Variants in UPP1 observed in about 807,000 individuals in gnomAD.
UPP1 encodes UPase 1.
UPP1 carries 25 observed loss-of-function variants against 29.6 expected under a neutral mutation model. The ratio of observed to expected loss-of-function variants is 0.85; its 90% CI spans 0.62 to 1.18. UPP1 has a LOEUF of 1.18. Among genes scored for constraint, UPP1 ranks in the 50% most tolerant of loss-of-function variants. The probability of loss-of-function intolerance (pLI) is 0.00; values close to 1 mark genes in which losing one functional copy is unlikely to be tolerated. For missense variants in UPP1, 368 were observed against 410.4 expected (o/e 0.90, Z 0.89); for synonymous variants, 165 against 159.8 (o/e 1.03, Z -0.25).
At chr7:48,090,667 G>A (rs918277355) in intron 2 of UPP1, among the ~76,000 whole-genome samples, 5 of 152,188 alleles carry the variant, frequency 3.3e-5, no homozygotes, top group Admixed American at 1.3e-4. Context: ...ATTTCTACAA[G>A]CGCTGCTGAG....
At chr7:48,089,681 C>A (rs1226311703) in intron 1 of UPP1, 6 of 152,238 alleles carry the variant, frequency 3.9e-5, no homozygotes, top group African/African-American at 1.4e-4. Flanking sequence ...TTCCTCGGGT[C>A]CACCCCGTGC....
intron 5 of UPP1, 99 bp from the exon 6 acceptor site, chr7:48,103,198 A>G (rs1792527046): frequency 1.2e-6 from 1 of 840,540 alleles, no homozygotes; most frequent in Middle Eastern, 2.2e-4. Flanking sequence ...CACTATGTCA[A>G]TGGGCATGTT....
chr7:48,095,580 C>T (rs968631207), intron 3 of UPP1, among the ~76,000 whole-genome samples: 3 of 152,202 alleles, frequency 2.0e-5, no homozygotes, highest in African/African-American at 7.2e-5. Flanking sequence ...CTCTTCTCCT[C>T]CTCCATTCCC....
At chr7:48,088,999 G>A (rs7459020), upstream of UPP1, 93,956 of 152,130 alleles carry the variant, frequency 0.62, 29,420 homozygotes, top group African/African-American at 0.72. Context: ...CAATTGCCCA[G>A]CTGCTCTGCA....
chr7:48,093,957 C>G (rs530527840), intron 2 of UPP1, among the ~76,000 whole-genome samples: 6 of 152,142 alleles, frequency 3.9e-5, no homozygotes, highest in African/African-American at 1.2e-4. Context: ...GTCAGCAGTT[C>G]GAGAACAGCC....
chr7:48,093,035 T>C (rs1791929373), intron 2 of UPP1, among the ~76,000 whole-genome samples: 1 of 152,004 alleles, frequency 6.6e-6, no homozygotes, highest in African/African-American at 2.4e-5. Flanking sequence ...GAATAAAGTG[T>C]TGAATTAAAA....
At chr7:48,094,870 G>A (rs977696146) in intron 3 of UPP1, 43 bp downstream of exon 3, 17 of 1,602,208 alleles carry the variant, frequency 1.1e-5, no homozygotes, top group African/African-American at 9.4e-5. Context: ...GTGGGGTTGG[G>A]TTGTTTATAG....
At chr7:48,104,208 C>T in intron 6 of UPP1, among the ~76,000 whole-genome samples, 1 of 152,110 alleles carries the variant, frequency 6.6e-6, no homozygotes. Flanking sequence ...CAGAGCGAGA[C>T]TCCATCTCAA....
chr7:48,103,808 GAC>G (rs1468504585), intron 6 of UPP1: 2 of 1,290,420 alleles, frequency 1.5e-6, no homozygotes, highest in African/African-American at 3.0e-5. Flanking sequence ...TAGGAGAAAA[GAC>G]ACAGGAAAAT....
chr7:48,092,073 G>A (rs1791869485), intron 2 of UPP1, among the ~76,000 whole-genome samples: 1 of 152,102 alleles, frequency 6.6e-6, no homozygotes, highest in Non-Finnish European at 1.5e-5. Flanking sequence ...GCTGGCCCAA[G>A]GGAGCTCACC....
Position 48,094,759 on chromosome 7 carries a change from T to C in UPP1, c.-21-4T>C, listed in dbSNP as rs763613788. 1.2e-6 allele frequency: 2 copies of C among 1,614,148 alleles called. No individual in the cohort carries two copies. Among genetic ancestry groups the C allele is most frequent in the Non-Finnish European group, 1.7e-6 (2 of 1,180,006 alleles). ...CACTCCATTCTGTGATTTTTTTTCC[T>C]TAGGGTCCTGCCTCAGTTGGCGGAA... On this transcript the variant is annotated splice_region_variant and splice_polypyrimidine_tract_variant and intron_variant, in intron 2 of 8. Transcript: ENST00000395564.
At position 48,104,068 on chromosome 7, in the gene UPP1, A is replaced by T. The variant is rs563576155; in HGVS notation, c.436+657A>T. ...CCCCGTCTCTACTAAAATACAAAAG[A>T]TTAGCTGGGCGTGGTGGTGCACGTC... On this transcript the variant is annotated intron_variant, in intron 6 of 8. Coordinates refer to ENST00000395564, the MANE Select transcript of UPP1 (RefSeq NM_003364.4). 1,377 of 411,368 alleles carry T rather than the reference A, an allele frequency of 3.3e-3. 17 individuals carry two copies. The highest frequency in any genetic ancestry group is 0.027 in the African/African-American group (1,283 of 47,918). 25.5% of individuals were successfully genotyped at this position (411,368 alleles called of 1,614,324 possible).
intron 2 of UPP1, among the ~76,000 whole-genome samples, chr7:48,091,936 C>G (rs1009333648): frequency 6.6e-6 from 1 of 152,204 alleles, no homozygotes; most frequent in African/African-American, 2.4e-5. Context: ...CATCCTTACT[C>G]TACAAGGCCA....
intron 4 of UPP1, 26 bp from the exon 5 acceptor site, chr7:48,101,798 T>C (rs1792436517): frequency 1.2e-6 from 2 of 1,610,596 alleles, no homozygotes; most frequent in African/African-American, 1.3e-5. Context: ...AGTGCACTAA[T>C]GGGGGTCTCT....
chr7:48,101,795 T>C, intron 4 of UPP1, 29 bp from the exon 5 acceptor site: 1 of 1,609,706 alleles, frequency 6.2e-7, no homozygotes, highest in African/African-American at 1.3e-5. Context: ...GACAGTGCAC[T>C]AATGGGGGTC....
chr7:48,101,832 T>G lies in UPP1; in HGVS notation c.171T>G (p.Cys57Trp). 6.2e-7 allele frequency: 1 copy of G among 1,613,908 alleles called. No individual in the cohort carries two copies. Among genetic ancestry groups the G allele is most frequent in the African/African-American group, 1.3e-5 (1 of 75,006 alleles). Reference protein sequence around the residue: ...PALFGDVKFVCVGGSPSRMKA... With the variant: ...PALFGDVKFVWVGGSPSRMKA... The stretch of plus-strand genomic sequence containing the variant: ...CTCTTCTCTGGCTGCAGTTTGTGTG[T>G]GTTGGTGGAAGCCCCTCCCGGATGA... Residue 57 changes from cysteine to tryptophan, a missense_variant, in exon 5 of 9, where the codon TGT (cysteine) becomes TGG (tryptophan). By Grantham distance (215) the Cys-to-Trp change is radical (BLOSUM62 -2). Transcript: ENST00000395564.
intron 3 of UPP1, among the ~76,000 whole-genome samples, chr7:48,095,139 C>T (rs1792060707): frequency 6.6e-6 from 1 of 152,094 alleles, no homozygotes; most frequent in Non-Finnish European, 1.5e-5. Context: ...AAACAAAATC[C>T]CCTGCTTATC....
At chr7:48,106,668 A>T in intron 6 of UPP1, 1 of 565,096 alleles carries the variant, frequency 1.8e-6, no homozygotes, top group Non-Finnish European at 3.2e-6. Flanking sequence ...ATCATGCATT[A>T]ATTACTTTCA....
chr7:48,107,099 G>A lies in UPP1; in HGVS notation c.646+17G>A, dbSNP rs71547878. 1.9e-6 allele frequency: 3 copies of A among 1,609,252 alleles called. No individual in the cohort carries two copies. The highest frequency in any genetic ancestry group is 1.7e-5 in the Admixed American group (1 of 59,998). ...TCTATGAAGGTGAGGCAGCGGATAC[G>A]AGGAGGCATCTTTCAGCCAGGGAAC... On this transcript the variant is annotated intron_variant, in intron 7 of 8. Coordinates refer to ENST00000395564, the MANE Select transcript of UPP1 (RefSeq NM_003364.4).
Sources: allele counts gnomAD v4.1 joint callset (sites outside exome capture counted in the v4.1 genomes callset), GRCh38; gene constraint gnomAD v4.1.1; transcripts MANE v1.5; gene names NCBI Gene and HGNC (gene_info 2026-07-23, HGNC 2026-07-21).